The following VPS53 variants were observed in gnomAD, a reference collection of about 807,000 sequenced individuals.
VPS53 encodes the protein VPS53 subunit of GARP complex, also known as vacuolar protein sorting-associated protein 53 homolog.
A neutral mutation model predicts 107.0 loss-of-function variants in VPS53; 70 were observed. The ratio of observed to expected loss-of-function variants is 0.65; its 90% confidence interval spans 0.54 to 0.80. The LOEUF (loss-of-function observed/expected upper bound fraction) is 0.80. Ranked by LOEUF, VPS53 falls within the 30% of genes least tolerant of loss-of-function variation. The probability of loss-of-function intolerance (pLI) is 0.00; values close to 1 mark genes in which losing one functional copy is unlikely to be tolerated. For missense variants in VPS53, 917 were observed against 1,049.4 expected, an observed-to-expected ratio of 0.87 and a Z score of 1.74; for synonymous variants, 409 against 393.3, an observed-to-expected ratio of 1.04 and a Z score of -0.47.
At chr17:567,066 G>T (rs1329741639) in intron 13 of VPS53, among the ~76,000 whole-genome samples, 1 of 151,972 alleles carries the variant, frequency 6.6e-6, no homozygotes, top group Non-Finnish European at 1.5e-5. Flanking sequence ...GCTTCCAGGC[G>T]TGAGCCAACG....
At chr17:560,373 G>A in intron 15 of VPS53, 53 bp downstream of exon 15, 3 of 1,585,804 alleles carry the variant, frequency 1.9e-6, no homozygotes, top group Non-Finnish European at 2.6e-6. Flanking sequence ...GAGCGACGCA[G>A]CCCAGAGGGT....
intron 7 of VPS53, among the ~76,000 whole-genome samples, chr17:637,999 T>C (rs572271200): frequency 1.3e-5 from 2 of 152,354 alleles, no homozygotes; most frequent in South Asian, 4.1e-4. Context: ...TTGATCTGTC[T>C]AATGTTGACA....
chr17:602,001 C>T, intron 11 of VPS53, 105 bp from the exon 12 acceptor site: 1 of 811,296 alleles, frequency 1.2e-6, no homozygotes, highest in Non-Finnish European at 1.8e-6. Flanking sequence ...GTCATGCACG[C>T]TATCTGATAA....
intron 5 of VPS53, chr17:656,759 C>T (rs1022556033): frequency 1.4e-4 from 127 of 909,718 alleles, no homozygotes; most frequent in South Asian, 1.3e-3. Flanking sequence ...TTTTTAATTA[C>T]GTACAAAGAT....
rs759624043 is a variant in VPS53 at position 699,347 on chromosome 17, T to C, written c.202A>G (p.Ile68Val). The C allele has an allele frequency of 1.3e-6, 2 of 1,578,338 alleles. No individual in the cohort carries two copies. Among genetic ancestry groups the C allele is most frequent in the Non-Finnish European group, 1.7e-6 (2 of 1,166,560 alleles). The change falls in exon 3 of 22, where the codon ATT (isoleucine) becomes GTT (valine). Residue 68 changes from isoleucine to valine, a missense_variant. Coordinates refer to ENST00000437048, the MANE Select transcript of VPS53 (RefSeq NM_001128159.3). ...TTTACTCACCTTATTTTCAGCCTAA[T>C]TTTGTTCACGACTTCGTCTATGTTC... ...LANIDEVVNK[I>V]RLKIRRLDDN...
intron 17 of VPS53, among the ~76,000 whole-genome samples, chr17:547,638 CTTTA>C (rs1006899953): frequency 3.9e-5 from 6 of 152,030 alleles, no homozygotes; most frequent in Non-Finnish European, 8.8e-5. Flanking sequence ...AAATTGTACA[CTTTA>C]TTTATTTATT....
At position 537,033 on chromosome 17, in the gene VPS53, A is replaced by C; in HGVS notation, c.2010T>G (p.Phe670Leu). The C allele has an allele frequency of 6.2e-7, 1 of 1,614,162 alleles. No homozygotes were observed. The highest frequency in any genetic ancestry group is 8.5e-7 in the Non-Finnish European group (1 of 1,180,016). ...GAGCACGCCCCAGGACTTACTTTGC[A>C]AATTTAACGCAGAACTGAGTGAAGT... ...RKYFTQFCVK[F>L]ANSFIPKFIT... The change falls in exon 18 of 22, where the codon TTT becomes TTG. Residue 670 changes from phenylalanine to leucine, a missense_variant. Transcript: ENST00000437048.
chr17:656,930 C>G lies in VPS53; in HGVS notation c.373-977G>C, dbSNP rs529486657. On this transcript the variant is annotated intron_variant, in intron 5 of 21. Coordinates refer to ENST00000437048, the MANE Select transcript of VPS53 (RefSeq NM_001128159.3). ...AGTGAAAATGTTGGAAACTTGAGTG[C>G]CAAAGCTGTTGCCACTGGTGTCTTT... is the stretch of plus-strand genomic sequence containing the variant. 112 of 1,275,998 alleles carry G rather than the reference C, an allele frequency of 8.8e-5. No homozygotes were observed. The African/African-American group carries it at 1.6e-3, about 18-fold the overall frequency. 79.0% of individuals were successfully genotyped at this position (1,275,998 alleles called of 1,614,324 possible). A position where few individuals can be genotyped will look rare whatever the true frequency, so the allele number is the denominator to read the frequency against.
rs151044992 is a variant in VPS53 at position 614,745 on chromosome 17, G to A, written c.1116+8788C>T. On this transcript the variant is annotated intron_variant, in intron 11 of 21. Coordinates refer to ENST00000437048, the MANE Select transcript of VPS53 (RefSeq NM_001128159.3). ...CATGAGTCGTGAGCCTTTTGCAAAC[G>A]CTCTTACACTCAAATTCCATGGCTG... Among the ~76,000 whole-genome samples the A allele has an allele frequency of 1.8e-4, 27 of 152,150 alleles. No homozygotes were observed. The East Asian group carries it at 4.8e-3, about 27-fold the overall frequency.
chr17:697,433 C>T lies in VPS53; in HGVS notation c.270G>A (p.Gly90=), dbSNP rs755431184. The T allele has an allele frequency of 1.2e-6, 2 of 1,613,892 alleles. No individual in the cohort carries two copies. The highest frequency in any genetic ancestry group is 1.3e-5 in the African/African-American group (1 of 74,942). The change falls in exon 4 of 22, where the codon GGG becomes GGA. Residue 90 remains glycine, a synonymous_variant. Coordinates refer to ENST00000437048, the MANE Select transcript of VPS53 (RefSeq NM_001128159.3). ...RTVVRGQTNV[G]QDGRQALEEA... is the part of the protein sequence containing the mutation. The stretch of plus-strand genomic sequence containing the variant: ...AGTTACTTACTTGCCGTCCATCCTG[C>T]CCCACGTTCGTCTGACCTCTTACAA...
At chr17:557,274 C>G (rs562257991) in intron 15 of VPS53, among the ~76,000 whole-genome samples, 1 of 152,192 alleles carries the variant, frequency 6.6e-6, no homozygotes, top group African/African-American at 2.4e-5. Flanking sequence ...CTCCTTCTCA[C>G]GGCCTTCTTC....
intron 7 of VPS53, among the ~76,000 whole-genome samples, chr17:651,491 T>C (rs1274480731): frequency 6.6e-6 from 1 of 152,048 alleles, no homozygotes; most frequent in South Asian, 2.1e-4. Context: ...CTTGGGAAAC[T>C]GTGGTGGGAG....
chr17:645,300 T>C (rs888927821), intron 7 of VPS53, among the ~76,000 whole-genome samples: 7 of 152,248 alleles, frequency 4.6e-5, no homozygotes, highest in Admixed American at 3.3e-4. Flanking sequence ...CATTTATTTA[T>C]CTTCTTTGGA....
chr17:636,160 TTTA>T (rs1442623058), intron 7 of VPS53, among the ~76,000 whole-genome samples: 1 of 152,220 alleles, frequency 6.6e-6, no homozygotes, highest in East Asian at 1.9e-4. Context: ...CTAGTTGGAT[TTTA>T]TTCTCTTTGT....
intron 13 of VPS53, among the ~76,000 whole-genome samples, chr17:573,038 A>T (rs562806644): frequency 3.6e-4 from 55 of 152,302 alleles, no homozygotes; most frequent in Middle Eastern, 3.4e-3. Flanking sequence ...AAATAAAAAT[A>T]AAAATAAAAT....
chr17:695,394 G>A (rs1054455201), intron 4 of VPS53, among the ~76,000 whole-genome samples: 1 of 152,150 alleles, frequency 6.6e-6, no homozygotes, highest in African/African-American at 2.4e-5. Context: ...TAAAGAAATA[G>A]GAGGAAAAGC....
chr17:671,608 T>TCTTCCC (rs780807638), intron 4 of VPS53, among the ~76,000 whole-genome samples: 1 of 152,182 alleles, frequency 6.6e-6, no homozygotes, highest in Non-Finnish European at 1.5e-5. Flanking sequence ...TACCCAACAC[T>TCTTCCC]CTTCCCCTCC....
chr17:662,877 G>GGAAGGAAGGAAGGAAC (rs1597456874), intron 4 of VPS53, among the ~76,000 whole-genome samples: 3 of 141,232 alleles, frequency 2.1e-5, no homozygotes, highest in East Asian at 2.1e-4. Context: ...AAGGAACGAA[G>GGAAGGAAGGAAGGAAC]GAAGGAAGGA....
At chr17:710,682 T>A in intron 1 of VPS53, 69 bp from the exon 2 acceptor site, 2 of 1,292,608 alleles carry the variant, frequency 1.5e-6, no homozygotes, top group Non-Finnish European at 2.2e-6. Context: ...TTTTAATTTG[T>A]CAATTAAAAG....
Sources: gnomAD v4.1 joint callset for allele counts (sites outside exome capture counted in the v4.1 genomes callset) on GRCh38, gnomAD v4.1.1 for gene constraint, MANE v1.5 for transcripts, NCBI Gene and HGNC (gene_info 2026-07-23, HGNC 2026-07-21) for gene names.